ANK3: variants seen among roughly 807,000 people sequenced by gnomAD.
ANK3 encodes ankyrin-3.
Under a neutral mutation model 370.9 loss-of-function variants are expected in ANK3, and 57 were observed. The observed-to-expected ratio is 0.15, with a 90% CI of 0.12 to 0.19. The LOEUF is 0.19. Ranked by LOEUF, ANK3 falls within the 10% of genes least tolerant of loss-of-function variation. The probability of loss-of-function intolerance (pLI) is 1.00; values close to 1 mark genes in which losing one functional copy is unlikely to be tolerated. For missense variants in ANK3, 4,439 were observed against 5,302.1 expected (o/e 0.84, Z 5.06); for synonymous variants, 1,929 against 1,946.3 (o/e 0.99, Z 0.23).
At position 60,194,789 on chromosome 10, in the gene ANK3, G is replaced by C. The variant is rs555890422; in HGVS notation, c.1887+1356C>G. Among the ~76,000 whole-genome samples, 21 of 152,272 alleles carry C rather than the reference G, an allele frequency of 1.4e-4. 1 individual carries two copies. Among genetic ancestry groups the C allele is most frequent in the African/African-American group, 5.1e-4 (21 of 41,546 alleles). On this transcript the variant is annotated intron_variant, in intron 16 of 43. Transcript: ENST00000280772. ...GTTTGTCAGGGTCAGAAACTGTGGA[G>C]GGGAAAGCTACATTTAGATTAAAAG... is the stretch of plus-strand genomic sequence containing the variant.
intron 23 of ANK3, among the ~76,000 whole-genome samples, chr10:60,150,889 C>G (rs1413994945): frequency 6.6e-6 from 1 of 152,052 alleles, no homozygotes; most frequent in Non-Finnish European, 1.5e-5. Context: ...TTCTTTCTAG[C>G]AGCGCAAAAC....
chr10:60,559,530 G>C (rs6479717), intron 2 of ANK3, among the ~76,000 whole-genome samples: 105,167 of 151,998 alleles, frequency 0.69, 36,800 homozygotes, highest in South Asian at 0.88. Flanking sequence ...TTACATTAAG[G>C]CTCTAGGTAG....
chr10:60,076,566 C>A, intron 36 of ANK3, 118 bp from the exon 37 acceptor site: 2 of 1,309,166 alleles, frequency 1.5e-6, no homozygotes, highest in Admixed American at 3.2e-5. Context: ...AAAGCAAGTA[C>A]AATTGTTTGC....
chr10:60,107,911 A>G (rs2092358009), intron 27 of ANK3, among the ~76,000 whole-genome samples: 2 of 152,228 alleles, frequency 1.3e-5, no homozygotes, highest in African/African-American at 4.8e-5. Context: ...TTCAAATAAA[A>G]GAAAGGTTTA....
intron 2 of ANK3, among the ~76,000 whole-genome samples, chr10:60,614,461 C>T (rs2133321691): frequency 6.6e-6 from 1 of 152,286 alleles, no homozygotes; most frequent in Admixed American, 6.5e-5. Context: ...AACTGACATT[C>T]TAATGCAGTC....
At chr10:60,134,146 CAGA>C in intron 25 of ANK3, 122 bp downstream of exon 25, 1 of 769,370 alleles carries the variant, frequency 1.3e-6, no homozygotes, top group Non-Finnish European at 2.0e-6. Flanking sequence ...TGGCTAGTAC[CAGA>C]AGATTTACAA....
intron 2 of ANK3, among the ~76,000 whole-genome samples, chr10:60,425,622 T>A (rs1044489138): frequency 1.3e-5 from 2 of 152,114 alleles, no homozygotes; most frequent in African/African-American, 4.8e-5. Context: ...CCATAATCTG[T>A]GAATTCAAGA....
chr10:60,340,492 A>G (rs2054024209), intron 1 of ANK3, among the ~76,000 whole-genome samples: 1 of 152,008 alleles, frequency 6.6e-6, no homozygotes, highest in Non-Finnish European at 1.5e-5. Flanking sequence ...GCTCACTGCA[A>G]TCTCTTCCTC....
chr10:60,092,009 G>T (rs548797324), intron 28 of ANK3, among the ~76,000 whole-genome samples: 2 of 152,158 alleles, frequency 1.3e-5, no homozygotes, highest in Admixed American at 6.5e-5. Context: ...GATTACGGGC[G>T]TGAGCCACCG....
At chr10:60,453,731 C>T (rs2064670905) in intron 2 of ANK3, among the ~76,000 whole-genome samples, 1 of 151,976 alleles carries the variant, frequency 6.6e-6, no homozygotes, top group African/African-American at 2.4e-5. Context: ...CACACAGGCA[C>T]ACACACACAG....
chr10:60,541,704 C>T (rs1348307198), intron 2 of ANK3, among the ~76,000 whole-genome samples: 2 of 151,904 alleles, frequency 1.3e-5, no homozygotes, highest in African/African-American at 4.8e-5. Context: ...TGAAGTCTCA[C>T]TACTTACTAG....
At chr10:60,503,205 T>G (rs954697695) in intron 2 of ANK3, among the ~76,000 whole-genome samples, 15 of 152,178 alleles carry the variant, frequency 9.9e-5, no homozygotes, top group Non-Finnish European at 1.9e-4. Flanking sequence ...TTCTGTAAAT[T>G]AAATAACGGT....
chr10:60,380,003 A>AC (rs111335036), intron 1 of ANK3, among the ~76,000 whole-genome samples: 2,054 of 150,964 alleles, frequency 0.014, 36 homozygotes, highest in African/African-American at 0.047. Flanking sequence ...AAATCGAAGA[A>AC]CCCCCCCCAA....
chr10:60,645,968 T>C (rs1205549664), intron 1 of ANK3, among the ~76,000 whole-genome samples: 2 of 152,090 alleles, frequency 1.3e-5, no homozygotes, highest in Non-Finnish European at 2.9e-5. Flanking sequence ...TGCTCTGAAA[T>C]AAATGCAACA....
chr10:60,292,482 T>C (rs1436822509), intron 1 of ANK3, among the ~76,000 whole-genome samples: 1 of 152,164 alleles, frequency 6.6e-6, no homozygotes, highest in Non-Finnish European at 1.5e-5. Context: ...AAGGAAGATT[T>C]AGTCCTTTGG....
chr10:60,507,281 G>A (rs184270011), intron 2 of ANK3, among the ~76,000 whole-genome samples: 246 of 152,010 alleles, frequency 1.6e-3, no homozygotes, highest in Admixed American at 1.8e-3. Context: ...AAATTAATGC[G>A]TCACAATGGC....
chr10:60,324,541 A>G (rs892408279), intron 1 of ANK3, among the ~76,000 whole-genome samples: 3 of 152,188 alleles, frequency 2.0e-5, no homozygotes, highest in Non-Finnish European at 4.4e-5. Flanking sequence ...GGCTGTTCTC[A>G]GTCTCCCTAT....
Position 60,583,928 on chromosome 10 carries a change from T to A in ANK3, c.96+31258A>T, listed in dbSNP as rs1388181514. Among the ~76,000 whole-genome samples, 3 of 152,162 alleles carry A rather than the reference T, an allele frequency of 2.0e-5. No individual in the cohort carries two copies. The South Asian group carries it at 6.2e-4, about 32-fold the overall frequency. On this transcript the variant is annotated intron_variant, in intron 2 of 43. Coordinates refer to the ANK3 transcript ENST00000373827. ...GTTCTTATCATAAAGAAGTGATGTTTATGGTGATGATATGTTAGTTTTCCT... is the reference window on the plus strand; with the variant it reads ...GTTCTTATCATAAAGAAGTGATGTTAATGGTGATGATATGTTAGTTTTCCT...
intron 2 of ANK3, among the ~76,000 whole-genome samples, chr10:60,447,518 T>C (rs192052429): frequency 6.6e-6 from 1 of 152,146 alleles, no homozygotes; most frequent in African/African-American, 2.4e-5. Context: ...GTTCTTGTCA[T>C]TGACATTAAC....
Sources: allele counts gnomAD v4.1 joint callset (sites outside exome capture counted in the v4.1 genomes callset), GRCh38; gene constraint gnomAD v4.1.1; transcripts MANE v1.5; gene names NCBI Gene and HGNC (gene_info 2026-07-23, HGNC 2026-07-21).